SMPX: variants seen among roughly 807,000 people sequenced by gnomAD.
SMPX encodes small muscular protein.
A neutral mutation model predicts 6.3 loss-of-function variants in SMPX; 2 were observed. That is an observed-to-expected ratio of 0.32 (90% CI 0.13 to 0.99). The LOEUF (loss-of-function observed/expected upper bound fraction) is 0.99, where lower values mean the gene tolerates loss of function less well. Among genes scored for constraint, SMPX ranks in the 50% least tolerant of loss-of-function variants. SMPX has a pLI of 0.49. For synonymous variants in SMPX, 32 were observed against 24.7 expected (o/e 1.30, Z -0.88); for missense variants, 60 against 66.8 (o/e 0.90, Z 0.36).
In SMPX at chrX:21,737,661, T is replaced by A. The variant is rs1299341954; in HGVS notation, c.169A>T (p.Ile57Phe). 1 of 1,210,518 alleles carries A rather than the reference T, an allele frequency of 8.3e-7. No individual in the cohort carries two copies. The highest frequency in any genetic ancestry group is 1.1e-6 in the Non-Finnish European group (1 of 894,075). ...CCTGGAAGTTTCTTCGCTCCTGGAA[T>A]TGGCTTCTTCTCCTCATCCGAGGTG... ...PPTSDEEKKP[I>F]PGAKKLPGPA... Residue 57 changes from isoleucine (I) to phenylalanine (F), a missense_variant, in exon 4 of 5, where the codon ATT (isoleucine) becomes TTT (phenylalanine). Coordinates refer to ENST00000379494, the MANE Select transcript of SMPX (RefSeq NM_014332.3).
At chrX:21,708,717 T>A (rs1325321585) in intron 4 of SMPX, among the ~76,000 whole-genome samples, 9 of 112,402 alleles carry the variant, frequency 8.0e-5, no homozygotes, top group Non-Finnish European at 1.7e-4. Flanking sequence ...TTCTTGTATT[T>A]CCCCAGCATT....
At chrX:21,717,230 C>G (rs1273614406) in intron 4 of SMPX, among the ~76,000 whole-genome samples, 1 of 111,770 alleles carries the variant, frequency 8.9e-6, no homozygotes, top group Non-Finnish European at 1.9e-5. Context: ...ATGCTGTTCT[C>G]GTGAGAGTGA....
chrX:21,717,956 C>T (rs1369485850), intron 4 of SMPX, among the ~76,000 whole-genome samples: 3 of 111,978 alleles, frequency 2.7e-5, no homozygotes, highest in Non-Finnish European at 5.6e-5. Flanking sequence ...AGGATTGGAG[C>T]GAGGAATGTC....
At position 21,706,014 on chromosome X, in the gene SMPX, A is replaced by C. The variant is rs765339045; in HGVS notation, c.*395T>G. ...GTCAAATATTTATTTGAACTCATACAAAGTTTAGTGACATAATTTAAAAGG... is the reference window on the plus strand; with the variant it reads ...GTCAAATATTTATTTGAACTCATACCAAGTTTAGTGACATAATTTAAAAGG... On this transcript the variant is annotated 3_prime_UTR_variant, in exon 5 of 5. Transcript: ENST00000379494. 255 of 481,554 alleles carry C rather than the reference A, an allele frequency of 5.3e-4. No homozygotes were observed. Among genetic ancestry groups the C allele is most frequent in the Non-Finnish European group, 8.5e-4 (233 of 272,567 alleles). 39.7% of individuals were successfully genotyped at this position (481,554 alleles called of 1,213,427 possible).
intron 4 of SMPX, among the ~76,000 whole-genome samples, chrX:21,719,314 T>C (rs764788698): frequency 4.6e-5 from 5 of 109,583 alleles, no homozygotes; most frequent in African/African-American, 1.7e-4. Context: ...AGGCCAGGAG[T>C]TCGAGACCAG....
intron 3 of SMPX, among the ~76,000 whole-genome samples, chrX:21,741,207 G>T (rs1017535505): frequency 5.4e-5 from 6 of 111,816 alleles, no homozygotes; most frequent in Non-Finnish European, 9.4e-5. Flanking sequence ...CATCTGAGAG[G>T]GTGTCAGGAT....
chrX:21,716,425 C>T (rs760003444), intron 4 of SMPX, among the ~76,000 whole-genome samples: 104 of 112,148 alleles, frequency 9.3e-4, no homozygotes, highest in Non-Finnish European at 1.8e-3. Context: ...CCCAGCTTTC[C>T]TGCTTTCCAC....
intron 4 of SMPX, among the ~76,000 whole-genome samples, chrX:21,732,439 C>G (rs2092806015): frequency 9.0e-6 from 1 of 111,367 alleles, no homozygotes; most frequent in African/African-American, 3.3e-5. Context: ...AACTATGGAC[C>G]TTTTGAGAGA....
rs151063427 is a variant in SMPX, at chrX:21,748,556, G to A, written c.46-4720C>T. Among the ~76,000 whole-genome samples, 744 of 111,662 alleles carry A rather than the reference G, an allele frequency of 6.7e-3. 8 individuals are homozygous for A. Among genetic ancestry groups the A allele is most frequent in the African/African-American group, 0.022 (690 of 30,746 alleles). Reference sequence around the variant, plus strand: ...TGCAAGTATGTGTCTGCTTTGCCTCGTGTCACAAATATAGAGCTAGGCAGA... The same window carrying A: ...TGCAAGTATGTGTCTGCTTTGCCTCATGTCACAAATATAGAGCTAGGCAGA... On this transcript the variant is annotated intron_variant, in intron 2 of 4. Transcript: ENST00000379494.
rs772259984 is a variant in SMPX at position 21,757,969 on chromosome X, AG to A, written c.-41del. 3.0e-6 allele frequency: 1 copy of A among 329,346 alleles called. No individual in the cohort carries two copies. The highest frequency in any genetic ancestry group is 2.6e-5 in the South Asian group (1 of 38,488). 27.1% of individuals were successfully genotyped at this position (329,346 alleles called of 1,213,427 possible). ...GCTTTATGTATTTGTTTACTGCCTAAGGGAAGTCCCAGGCAGCCAGATGCAA... is the reference window on the plus strand; with the variant it reads ...GCTTTATGTATTTGTTTACTGCCTAAGGAAGTCCCAGGCAGCCAGATGCAA... On this transcript the variant is annotated 5_prime_UTR_variant, in exon 1 of 5. The change abolishes the stop of an existing upstream ORF in the 5' untranslated region. Coordinates refer to ENST00000379494, the MANE Select transcript of SMPX (RefSeq NM_014332.3).
intron 4 of SMPX, among the ~76,000 whole-genome samples, chrX:21,721,215 G>A (rs2092791385): frequency 1.8e-5 from 2 of 111,578 alleles, no homozygotes; most frequent in Admixed American, 9.5e-5. Context: ...GGGTAGACAC[G>A]AGTCACAACC....
intron 4 of SMPX, among the ~76,000 whole-genome samples, chrX:21,715,294 GTGTGTGTGTGCGCGCA>G (rs2092783193): frequency 2.0e-5 from 2 of 101,452 alleles, no homozygotes; most frequent in African/African-American, 8.9e-5. Context: ...GTGTGTGTGT[GTGTGTGTGTGCGCGCA>G]CGCGCGCGCG....
intron 3 of SMPX, 117 bp downstream of exon 3, chrX:21,743,633 G>A: frequency 1.7e-6 from 1 of 575,888 alleles, no homozygotes; most frequent in Non-Finnish European, 3.0e-6. Context: ...TTGACACACA[G>A]CCATTTGCCC....
chrX:21,708,482 A>G (rs1257078807), intron 4 of SMPX, among the ~76,000 whole-genome samples: 3 of 112,196 alleles, frequency 2.7e-5, no homozygotes, highest in Admixed American at 9.5e-5. Context: ...GTTGTGTTGT[A>G]CTCACTGTTG....
intron 4 of SMPX, among the ~76,000 whole-genome samples, chrX:21,711,989 C>CT (rs752354120): frequency 8.9e-6 from 1 of 111,800 alleles, no homozygotes; most frequent in South Asian, 3.8e-4. Context: ...CATATTGTCC[C>CT]TTTTACTCAT....
At chrX:21,712,818 T>G (rs963210447) in intron 4 of SMPX, among the ~76,000 whole-genome samples, 2 of 112,456 alleles carry the variant, frequency 1.8e-5, no homozygotes, top group African/African-American at 6.5e-5. Flanking sequence ...CTTTCTATAT[T>G]GTTTATGCCT....
Position 21,731,442 on chromosome X carries a change from T to TACACAC in SMPX, c.*14+6106_*14+6107insGTGTGT, listed in dbSNP as rs1445886735. On this transcript the variant is annotated intron_variant, in intron 4 of 4. Transcript: ENST00000379494. ...ATACACACATATATGTGTGTATGTG[T>TACACAC]ACACATACACATAATGTGTGTATGT... Among the ~76,000 whole-genome samples the TACACAC allele has an allele frequency of 1.1e-3, 97 of 92,307 alleles. 3 individuals are homozygous for TACACAC. The highest frequency in any genetic ancestry group is 3.0e-3 in the African/African-American group (78 of 25,645). 80.2% of individuals were successfully genotyped at this position (92,307 alleles called of 115,157 possible).
intron 1 of SMPX, among the ~76,000 whole-genome samples, chrX:21,755,917 G>A (rs1452420545): frequency 8.9e-6 from 1 of 112,176 alleles, no homozygotes; most frequent in Non-Finnish European, 1.9e-5. Flanking sequence ...GAACAGTCAA[G>A]GATACATTTT....
chrX:21,723,207 C>A (rs1368097893), intron 4 of SMPX, among the ~76,000 whole-genome samples: 1 of 111,664 alleles, frequency 9.0e-6, no homozygotes, highest in East Asian at 2.8e-4. Context: ...GGAACCCATC[C>A]CAGACCTACT....
Sources: gnomAD v4.1 joint callset for allele counts (sites outside exome capture counted in the v4.1 genomes callset) on GRCh38, gnomAD v4.1.1 for gene constraint, MANE v1.5 for transcripts, NCBI Gene and HGNC (gene_info 2026-07-23, HGNC 2026-07-21) for gene names.